Variants in COL5A3 observed in about 807,000 individuals in gnomAD.
COL5A3 encodes collagen alpha-3(V) chain.
Under a neutral mutation model 250.0 loss-of-function variants are expected in COL5A3, and 172 were observed. That is an observed-to-expected ratio of 0.69 (90% CI 0.61 to 0.78). The LOEUF (loss-of-function observed/expected upper bound fraction) is 0.78, where lower values mean the gene tolerates loss of function less well. Among genes scored for constraint, COL5A3 ranks in the 30% least tolerant of loss-of-function variants. COL5A3 has a pLI of 0.00. For missense variants in COL5A3, 2,340 were observed against 2,334.4 expected, an observed-to-expected ratio of 1.00 and a Z score of -0.05; for synonymous variants, 937 against 900.4, an observed-to-expected ratio of 1.04 and a Z score of -0.73.
At chr19:9,975,808 A>G (rs2086911084) in intron 45 of COL5A3, among the ~76,000 whole-genome samples, 1 of 150,804 alleles carries the variant, frequency 6.6e-6, no homozygotes, top group African/African-American at 2.5e-5. Context: ...GTCAGCATTG[A>G]GGGGAAGACA....
chr19:9,972,308 CTCGT>C (rs1323490755), intron 51 of COL5A3, among the ~76,000 whole-genome samples: 1 of 42,144 alleles, frequency 2.4e-5, no homozygotes, highest in Non-Finnish European at 4.5e-5. Flanking sequence ...CATTCATTCA[CTCGT>C]TCATCCATTC....
intron 6 of COL5A3, 49 bp downstream of exon 6, chr19:10,003,516 C>A: frequency 6.3e-7 from 1 of 1,590,836 alleles, no homozygotes; most frequent in Non-Finnish European, 8.6e-7. Context: ...CAGTCAAGAC[C>A]GGAAGTCAGG....
intron 14 of COL5A3, 32 bp downstream of exon 14, chr19:9,996,174 C>T (rs757018670): frequency 3.2e-6 from 5 of 1,556,212 alleles, no homozygotes; most frequent in Admixed American, 2.0e-5. Context: ...CTAATGCATG[C>T]ACCGCCCCCT....
chr19:9,996,847 G>A, intron 11 of COL5A3, 158 bp from the exon 12 acceptor site: 1 of 601,690 alleles, frequency 1.7e-6, no homozygotes, highest in South Asian at 2.2e-5. Flanking sequence ...GAAAGAGAGA[G>A]AAGTAGAGAG....
intron 21 of COL5A3, 45 bp from the exon 22 acceptor site, chr19:9,992,093 G>A: frequency 6.3e-7 from 1 of 1,580,246 alleles, no homozygotes; most frequent in Admixed American, 1.7e-5. Context: ...CAACAAGCTG[G>A]GAGCCTGAGT....
At chr19:9,999,955 G>C (rs1046621809) in intron 8 of COL5A3, among the ~76,000 whole-genome samples, 2 of 151,916 alleles carry the variant, frequency 1.3e-5, no homozygotes, top group African/African-American at 4.8e-5. Context: ...ATAGGGTCTC[G>C]CTATGTTACC....
At chr19:9,970,911 A>C in intron 53 of COL5A3, 64 bp downstream of exon 53, 2 of 1,296,774 alleles carry the variant, frequency 1.5e-6, no homozygotes, top group African/African-American at 1.5e-5. Flanking sequence ...TGCCCCCCCA[A>C]TTCACTCACT....
At chr19:9,986,005 G>GA (rs143865241) in intron 30 of COL5A3, 110 bp from the exon 31 acceptor site, 1 of 981,424 alleles carries the variant, frequency 1.0e-6, no homozygotes, top group Non-Finnish European at 1.6e-6. Flanking sequence ...GGGAGTTGGG[G>GA]AAACGAGGTT....
At chr19:9,988,859 G>GAGAGAGAGAGAAAGAAAGAAAGA (rs2087144417) in intron 27 of COL5A3, among the ~76,000 whole-genome samples, 2 of 76,250 alleles carry the variant, frequency 2.6e-5, no homozygotes, top group African/African-American at 1.1e-4. Flanking sequence ...AAAAAAAAAA[G>GAGAGAGAGAGAAAGAAAGAAAGA]AAAGTAAAGA....
intron 50 of COL5A3, 43 bp from the exon 51 acceptor site, chr19:9,973,069 C>T: frequency 6.6e-7 from 1 of 1,525,226 alleles, no homozygotes; most frequent in Non-Finnish European, 8.9e-7. Context: ...CTGGACTCTC[C>T]AGGGATCAAG....
chr19:9,984,095 C>T (rs1339689282), intron 31 of COL5A3, among the ~76,000 whole-genome samples: 1 of 151,990 alleles, frequency 6.6e-6, no homozygotes, highest in African/African-American at 2.4e-5. Context: ...ACGATCTCAG[C>T]TCACTGCATC....
chr19:9,979,679 G>A (rs757702794), intron 37 of COL5A3, among the ~76,000 whole-genome samples, 160 bp downstream of exon 37: 7 of 152,010 alleles, frequency 4.6e-5, no homozygotes, highest in South Asian at 2.1e-4. Flanking sequence ...AGTGCCACTC[G>A]GGAGGCTGAG....
At chr19:9,972,768 G>A (rs1397037795) in intron 51 of COL5A3, 151 bp downstream of exon 51, 11 of 501,386 alleles carry the variant, frequency 2.2e-5, no homozygotes, top group South Asian at 1.0e-4. Context: ...CCCGGAAGAC[G>A]GAGGTTGCAG....
chr19:10,010,270 G>A (rs2087511390), intron 1 of COL5A3, 28 bp downstream of exon 1: 11 of 1,390,268 alleles, frequency 7.9e-6, no homozygotes, highest in Non-Finnish European at 1.0e-5. Context: ...CGTGGACCCT[G>A]GGTCCCATCT....
Position 9,966,308 on chromosome 19 carries a change from A to T in COL5A3, c.4782+6T>A. On this transcript the variant is annotated splice_donor_region_variant and intron_variant, in intron 64 of 66. Coordinates refer to ENST00000264828, the MANE Select transcript of COL5A3 (RefSeq NM_015719.4). ...GGGGAGGCGATGAGAGGTTTGGGTTACTCACGATCTCAAACTTCTTGTCGG... is the reference window on the plus strand; with the variant it reads ...GGGGAGGCGATGAGAGGTTTGGGTTTCTCACGATCTCAAACTTCTTGTCGG... 1 of 1,600,396 alleles carries T rather than the reference A, an allele frequency of 6.2e-7. No homozygotes were observed. Among genetic ancestry groups the T allele is most frequent in the Non-Finnish European group, 8.5e-7 (1 of 1,170,914 alleles).
intron 31 of COL5A3, among the ~76,000 whole-genome samples, chr19:9,983,088 C>T (rs759394515): frequency 2.6e-5 from 4 of 151,862 alleles, no homozygotes; most frequent in Non-Finnish European, 5.9e-5. Context: ...CTTGAACTCC[C>T]GGCCTCTAGT....
chr19:10,008,184 C>T (rs2087469211), intron 1 of COL5A3, among the ~76,000 whole-genome samples: 2 of 152,222 alleles, frequency 1.3e-5, no homozygotes, highest in East Asian at 1.9e-4. Flanking sequence ...AGGATTGAGA[C>T]CGACGACCTC....
intron 21 of COL5A3, 66 bp from the exon 22 acceptor site, chr19:9,992,114 G>A (rs1391725028): frequency 1.2e-5 from 17 of 1,395,656 alleles, no homozygotes; most frequent in African/African-American, 4.3e-5. Context: ...CTGAGACACC[G>A]AGAGATGCAG....
At position 9,998,092 on chromosome 19, in the gene COL5A3, G is replaced by T. The variant is rs1292767777; in HGVS notation, c.1158+10C>A. The T allele has an allele frequency of 6.2e-7, 1 of 1,613,830 alleles. No homozygotes were observed. Among genetic ancestry groups the T allele is most frequent in the Non-Finnish European group, 8.5e-7 (1 of 1,179,958 alleles). ...AGCCTCTCAACCCCCTCACAATCCA[G>T]ACCCCTCACCTTTTCAATCACTGCG... On this transcript the variant is annotated intron_variant, in intron 9 of 66. Transcript: ENST00000264828.
Sources: allele counts gnomAD v4.1 joint callset (sites outside exome capture counted in the v4.1 genomes callset), GRCh38; gene constraint gnomAD v4.1.1; transcripts MANE v1.5; gene names NCBI Gene and HGNC (gene_info 2026-07-23, HGNC 2026-07-21).